EIF2B3: variants seen among roughly 807,000 people sequenced by gnomAD.
The protein encoded by EIF2B3 is eukaryotic translation initiation factor 2B subunit gamma.
Under a neutral mutation model 54.1 loss-of-function variants are expected in EIF2B3, and 20 were observed. The observed-to-expected ratio is 0.37, with a 90% CI of 0.26 to 0.54. The LOEUF (loss-of-function observed/expected upper bound fraction) is 0.54. Among genes scored for constraint, EIF2B3 ranks in the 20% least tolerant of loss-of-function variants. EIF2B3 has a pLI of 0.86. For synonymous variants in EIF2B3, 153 were observed against 188.1 expected, an observed-to-expected ratio of 0.81 and a Z score of 1.52; for missense variants, 448 against 547.8, an observed-to-expected ratio of 0.82 and a Z score of 1.82.
intron 3 of EIF2B3, among the ~76,000 whole-genome samples, chr1:44,943,269 C>A (rs1386306507): frequency 6.6e-6 from 1 of 151,944 alleles, no homozygotes; most frequent in Non-Finnish European, 1.5e-5. Flanking sequence ...CTCAAACAAT[C>A]CTGTCTCAGC....
chr1:44,947,485 A>ATG (rs1045274866), intron 3 of EIF2B3, among the ~76,000 whole-genome samples: 8 of 151,798 alleles, frequency 5.3e-5, no homozygotes, highest in East Asian at 3.9e-4. Context: ...AGAAAACCGG[A>ATG]TGTGTGTGTG....
At chr1:44,923,388 A>G (rs1297555882) in intron 5 of EIF2B3, among the ~76,000 whole-genome samples, 1 of 152,276 alleles carries the variant, frequency 6.6e-6, no homozygotes, top group Non-Finnish European at 1.5e-5. Flanking sequence ...AGATAGAAAT[A>G]AGAATGTTAA....
chr1:44,940,821 G>A (rs1275669665), intron 4 of EIF2B3: 1 of 152,146 alleles, frequency 6.6e-6, no homozygotes. Flanking sequence ...CACATTTATT[G>A]GTCATTTAGG....
chr1:44,958,696 T>A (rs1644253107), intron 3 of EIF2B3: 2 of 1,598,202 alleles, frequency 1.3e-6, no homozygotes, highest in East Asian at 2.2e-5. Flanking sequence ...TCACCAGCTA[T>A]CTGTGCTGCC....
intron 10 of EIF2B3, among the ~76,000 whole-genome samples, chr1:44,860,249 A>C (rs1654567553): frequency 1.3e-5 from 2 of 152,104 alleles, no homozygotes; most frequent in African/African-American, 4.8e-5. Context: ...TCTGGGGCTC[A>C]AGTGATCCTC....
At chr1:44,924,616 G>A (rs1001836588) in intron 5 of EIF2B3, among the ~76,000 whole-genome samples, 9 of 151,906 alleles carry the variant, frequency 5.9e-5, no homozygotes, top group Non-Finnish European at 1.0e-4. Flanking sequence ...TCGATCTCCC[G>A]ACCTTGTGAT....
intron 3 of EIF2B3, among the ~76,000 whole-genome samples, chr1:44,952,154 G>A (rs1644170959): frequency 7.2e-6 from 1 of 138,064 alleles, no homozygotes. Flanking sequence ...TAGTAGAGAC[G>A]GGGTTTCACC....
intron 10 of EIF2B3, 63 bp from the exon 11 acceptor site, chr1:44,857,870 G>T: frequency 6.6e-7 from 1 of 1,525,100 alleles, no homozygotes; most frequent in Non-Finnish European, 9.1e-7. Context: ...CATTACTATT[G>T]GTTGGGGGTT....
At chr1:44,875,145 T>C (rs1335980911) in intron 9 of EIF2B3, among the ~76,000 whole-genome samples, 2 of 152,126 alleles carry the variant, frequency 1.3e-5, no homozygotes, top group African/African-American at 2.4e-5. Flanking sequence ...GGGGGACAGA[T>C]TGTGCCACTG....
At chr1:44,947,140 G>T (rs570936506) in intron 3 of EIF2B3, among the ~76,000 whole-genome samples, 1 of 152,238 alleles carries the variant, frequency 6.6e-6, no homozygotes, top group East Asian at 1.9e-4. Context: ...ACAGTCATTG[G>T]TATGCCTCAT....
intron 6 of EIF2B3, among the ~76,000 whole-genome samples, chr1:44,892,138 A>T (rs1360454850): frequency 6.6e-6 from 1 of 152,230 alleles, no homozygotes; most frequent in Non-Finnish European, 1.5e-5. Context: ...GTCACTCCAC[A>T]TCTGTCCTAT....
At chr1:44,932,116 A>AACAC (rs59619203) in intron 4 of EIF2B3, among the ~76,000 whole-genome samples, 180 of 148,490 alleles carry the variant, frequency 1.2e-3, no homozygotes, top group Middle Eastern at 6.9e-3. Flanking sequence ...TCTCAAAACG[A>AACAC]ACACACACAC....
At chr1:44,975,760 TG>T (rs1238152768) in intron 3 of EIF2B3, among the ~76,000 whole-genome samples, 3 of 152,096 alleles carry the variant, frequency 2.0e-5, no homozygotes, top group Non-Finnish European at 4.4e-5. Flanking sequence ...CACTTGAACC[TG>T]GGAGCCCGAG....
rs534780845 is a variant in EIF2B3 at position 44,907,743 on chromosome 1, A to G, written c.567-10299T>C. On this transcript the variant is annotated intron_variant, in intron 5 of 11. Transcript: ENST00000360403. The stretch of plus-strand genomic sequence containing the variant: ...TGGAGAAACCCTGTCTCTATTAAAA[A>G]TACAAAATTAGCCGGGCATGGTGGT... Among the ~76,000 whole-genome samples, 11 of 151,984 alleles carry G rather than the reference A, an allele frequency of 7.2e-5. No individual in the cohort carries two copies. The South Asian group carries it at 2.3e-3, about 32-fold the overall frequency.
chr1:44,945,848 T>C (rs184598057), intron 3 of EIF2B3, among the ~76,000 whole-genome samples: 3 of 152,332 alleles, frequency 2.0e-5, no homozygotes, highest in Admixed American at 2.0e-4. Flanking sequence ...TTTCTAAGTT[T>C]CTCTAATAAG....
chr1:44,930,727 G>A (rs971488680), intron 4 of EIF2B3, among the ~76,000 whole-genome samples: 1 of 152,110 alleles, frequency 6.6e-6, no homozygotes. Flanking sequence ...TGCAACCTCC[G>A]CCTCTCGGGT....
chr1:44,870,981 AT>A (rs1035322380), intron 10 of EIF2B3, among the ~76,000 whole-genome samples: 4 of 151,998 alleles, frequency 2.6e-5, no homozygotes, highest in South Asian at 2.1e-4. Flanking sequence ...CCACTTCCAA[AT>A]TCGTACTTCA....
intron 10 of EIF2B3, among the ~76,000 whole-genome samples, chr1:44,868,043 A>C (rs1445584672): frequency 6.6e-6 from 1 of 151,972 alleles, no homozygotes; most frequent in East Asian, 1.9e-4. Flanking sequence ...GTCTCCTCCA[A>C]GACGGCAAAT....
intron 3 of EIF2B3, among the ~76,000 whole-genome samples, chr1:44,958,089 CT>C (rs1240235356): frequency 3.9e-5 from 6 of 152,260 alleles, no homozygotes; most frequent in Non-Finnish European, 5.9e-5. Flanking sequence ...TGTACAATGA[CT>C]TTTTTTCCTT....
Sources: gnomAD v4.1 joint callset for allele counts (sites outside exome capture counted in the v4.1 genomes callset) on GRCh38, gnomAD v4.1.1 for gene constraint, MANE v1.5 for transcripts, NCBI Gene and HGNC (gene_info 2026-07-23, HGNC 2026-07-21) for gene names.